Variants in FGFR2 observed in about 807,000 individuals in gnomAD.
FGFR2 encodes fibroblast growth factor receptor 2, also known as BEK fibroblast growth factor receptor.
In FGFR2, 19 loss-of-function variants were observed where a neutral mutation model predicts 95.9. The observed-to-expected ratio is 0.20, with a 90% CI of 0.14 to 0.29. FGFR2 has a LOEUF of 0.29. FGFR2 is among the 10% of genes least tolerant of loss of function. The probability of loss-of-function intolerance (pLI) is 1.00; values close to 1 mark genes in which losing one functional copy is unlikely to be tolerated. For synonymous variants in FGFR2, 392 were observed against 393.3 expected (o/e 1.00, Z 0.04); for missense variants, 707 against 1,056.9 (o/e 0.67, Z 4.59).
chr10:121,542,878 A>C (rs1210311426), intron 5 of FGFR2, among the ~76,000 whole-genome samples: 1 of 152,214 alleles, frequency 6.6e-6, no homozygotes, highest in Non-Finnish European at 1.5e-5. Context: ...TGTTGACACC[A>C]AAACACCGCA....
At chr10:121,564,154 A>G (rs1001203236) in intron 4 of FGFR2, among the ~76,000 whole-genome samples, 4 of 152,202 alleles carry the variant, frequency 2.6e-5, no homozygotes, top group African/African-American at 9.7e-5. Flanking sequence ...AACCAAGCAC[A>G]ATCACTGATT....
rs150469408 is a variant in FGFR2, at chr10:121,505,693, G to A, written c.1288-1752C>T. On this transcript the variant is annotated intron_variant, in intron 9 of 17. Transcript: ENST00000358487. ...TGAAACAGACAACTTTAAAGTCCCCGCCATGTGGTATCCAACCTCACTGTA... is the reference window on the plus strand; with the variant it reads ...TGAAACAGACAACTTTAAAGTCCCCACCATGTGGTATCCAACCTCACTGTA... Among the ~76,000 whole-genome samples, 291 of 152,194 alleles carry A rather than the reference G, an allele frequency of 1.9e-3. 1 individual carries two copies. The highest frequency in any genetic ancestry group is 6.5e-3 in the African/African-American group (269 of 41,524).
At position 121,531,988 on chromosome 10, in the gene FGFR2, C is replaced by A. The variant is rs533063475; in HGVS notation, c.748+6604G>T. Among the ~76,000 whole-genome samples the A allele has an allele frequency of 6.6e-6, 1 of 152,222 alleles. No individual in the cohort carries two copies. Among genetic ancestry groups the A allele is most frequent in the Non-Finnish European group, 1.5e-5 (1 of 68,046 alleles). ...TGTCGCTGTGACCCATTACCTGGCA[C>A]GCCACCCCAATCCCTTCTCAACAGA... On this transcript the variant is annotated intron_variant, in intron 6 of 17. Transcript: ENST00000358487. The surrounding 1 kb of genome is among the most constrained non-coding windows in gnomAD (Gnocchi z 4.5).
intron 2 of FGFR2, among the ~76,000 whole-genome samples, chr10:121,582,196 C>T (rs1472863054): frequency 6.6e-6 from 1 of 152,046 alleles, no homozygotes; most frequent in Non-Finnish European, 1.5e-5. Flanking sequence ...CCTCAAAGTG[C>T]TGGGATTACA....
chr10:121,565,854 A>G (rs1857601720), intron 2 of FGFR2, 150 bp from the exon 3 acceptor site: 2 of 862,072 alleles, frequency 2.3e-6, no homozygotes, highest in Admixed American at 2.1e-5. Context: ...CCTCTCCCCA[A>G]GCCCCAGGAA....
intron 2 of FGFR2, among the ~76,000 whole-genome samples, chr10:121,574,346 A>C (rs1859343771): frequency 6.6e-6 from 1 of 151,970 alleles, no homozygotes; most frequent in African/African-American, 2.4e-5. Flanking sequence ...CTGGCCAACA[A>C]GACGAAACCC....
chr10:121,565,297 T>C, intron 3 of FGFR2, 141 bp downstream of exon 3: 1 of 1,025,988 alleles, frequency 9.7e-7, no homozygotes. Flanking sequence ...GTGCACCAGG[T>C]CCCAAAGAAG....
intron 6 of FGFR2, among the ~76,000 whole-genome samples, chr10:121,532,320 A>C (rs1205160827): frequency 6.6e-6 from 1 of 152,086 alleles, no homozygotes; most frequent in Non-Finnish European, 1.5e-5. Context: ...GGACGTGCAG[A>C]ATCATGTCAT....
intron 6 of FGFR2, among the ~76,000 whole-genome samples, chr10:121,520,384 T>G (rs1448883861): frequency 6.6e-6 from 1 of 152,148 alleles, no homozygotes; most frequent in African/African-American, 2.4e-5. Flanking sequence ...GAACACTTAC[T>G]TAGAAAATTG....
At chr10:121,582,388 T>C (rs1291691944) in intron 2 of FGFR2, among the ~76,000 whole-genome samples, 2 of 152,150 alleles carry the variant, frequency 1.3e-5, no homozygotes, top group African/African-American at 2.4e-5. Flanking sequence ...CCACAGCAAT[T>C]ACCCTGCAAT....
At chr10:121,592,322 G>C (rs1862776495) in intron 2 of FGFR2, among the ~76,000 whole-genome samples, 1 of 152,148 alleles carries the variant, frequency 6.6e-6, no homozygotes, top group African/African-American at 2.4e-5. Flanking sequence ...TCATCCTGGT[G>C]TCCCAGCACA....
chr10:121,567,998 G>A (rs1857961695), intron 2 of FGFR2, among the ~76,000 whole-genome samples: 1 of 152,246 alleles, frequency 6.6e-6, no homozygotes, highest in Non-Finnish European at 1.5e-5. Context: ...TGGGAACTTA[G>A]TTTGAAGGCT....
At position 121,500,951 on chromosome 10, in the gene FGFR2, A is replaced by T. The variant is rs754855233; in HGVS notation, c.1440-4T>A. On this transcript the variant is annotated splice_region_variant and splice_polypyrimidine_tract_variant and intron_variant, in intron 10 of 17. Coordinates refer to ENST00000358487, the MANE Select transcript of FGFR2 (RefSeq NM_000141.5). Reference sequence around the variant, plus strand: ...CAGGGGCTTGCCCAGTGTCAGCCTAAATGTGTAAATAGGGGATTAGCACAT... The same window carrying T: ...CAGGGGCTTGCCCAGTGTCAGCCTATATGTGTAAATAGGGGATTAGCACAT... 1.2e-6 allele frequency: 2 copies of T among 1,613,964 alleles called. No individual in the cohort carries two copies. The highest frequency in any genetic ancestry group is 1.7e-6 in the Non-Finnish European group (2 of 1,180,028).
chr10:121,539,329 T>C (rs1423921083), intron 5 of FGFR2, among the ~76,000 whole-genome samples: 2 of 152,212 alleles, frequency 1.3e-5, no homozygotes, highest in Non-Finnish European at 2.9e-5. Flanking sequence ...CTCAGAGAAA[T>C]ACCCAGAATT....
chr10:121,576,284 T>C (rs958342235), intron 2 of FGFR2, among the ~76,000 whole-genome samples: 1 of 152,206 alleles, frequency 6.6e-6, no homozygotes, highest in African/African-American at 2.4e-5. Flanking sequence ...AAATAGATAC[T>C]TACGTTACAA....
At position 121,483,780 on chromosome 10, in the gene FGFR2, C is replaced by G. The variant is rs2133770718; in HGVS notation, c.2219G>C (p.Trp740Ser). 6.2e-7 allele frequency: 1 copy of G among 1,613,656 alleles called. No individual in the cohort carries two copies. The highest frequency in any genetic ancestry group is 8.5e-7 in the Non-Finnish European group (1 of 1,179,776). The stretch of plus-strand genomic sequence containing the variant: ...TGGTCTCTGGGAGGGCACTGCATGC[C>G]AACAGTCCCTCATCATCATGTACCT... Reference protein sequence around the residue: ...NELYMMMRDCWHAVPSQRPTF... With the variant: ...NELYMMMRDCSHAVPSQRPTF... Residue 740 changes from tryptophan to serine, a missense_variant, in exon 17 of 18, where the codon TGG (tryptophan) becomes TCG (serine). By Grantham distance (177) the Trp-to-Ser change is radical. This residue lies in a region of FGFR2 where 104 missense variants were observed against 214.2 expected (regional missense o/e 0.49). Transcript: ENST00000358487.
intron 13 of FGFR2, among the ~76,000 whole-genome samples, chr10:121,490,042 T>C (rs952569676): frequency 3.3e-5 from 5 of 152,010 alleles, no homozygotes; most frequent in African/African-American, 1.2e-4. Context: ...ATGTGCCACA[T>C]ACACTGATTC....
chr10:121,552,760 A>G (rs1458835417), intron 4 of FGFR2, among the ~76,000 whole-genome samples: 1 of 152,250 alleles, frequency 6.6e-6, no homozygotes, highest in East Asian at 1.9e-4. Context: ...TTTCTGTCTT[A>G]GCAAAGTAGT....
chr10:121,584,996 A>C (rs916576454), intron 2 of FGFR2, among the ~76,000 whole-genome samples: 1 of 151,692 alleles, frequency 6.6e-6, no homozygotes, highest in African/African-American at 2.4e-5. Flanking sequence ...CGATTCCATA[A>C]CCCCTCTCCA....
Sources: allele counts gnomAD v4.1 joint callset (sites outside exome capture counted in the v4.1 genomes callset), GRCh38; gene constraint gnomAD v4.1.1; regional missense constraint gnomAD v4.1.1; non-coding constraint Gnocchi (gnomAD v3.1); transcripts MANE v1.5; gene names NCBI Gene and HGNC (gene_info 2026-07-23, HGNC 2026-07-21).